Variants in UBR7 observed in about 807,000 individuals in gnomAD.
The protein encoded by UBR7 is ubiquitin protein ligase E3 component n-recognin 7, also known as putative E3 ubiquitin-protein ligase UBR7.
A neutral mutation model predicts 57.0 loss-of-function variants in UBR7; 22 were observed. The observed-to-expected ratio is 0.39, with a 90% CI of 0.28 to 0.55. The LOEUF (loss-of-function observed/expected upper bound fraction) is 0.55. Ranked by LOEUF, UBR7 falls within the 20% of genes least tolerant of loss-of-function variation. UBR7 has a pLI of 0.69. For missense variants in UBR7, 395 were observed against 513.2 expected, an observed-to-expected ratio of 0.77 and a Z score of 2.23; for synonymous variants, 167 against 179.8, an observed-to-expected ratio of 0.93 and a Z score of 0.57.
intron 3 of UBR7, among the ~76,000 whole-genome samples, chr14:93,211,379 G>A (rs1027221376): frequency 2.7e-4 from 3 of 11,166 alleles, no homozygotes; most frequent in Middle Eastern, 0.033. Context: ...AAACCCCCCC[G>A]TACTAAAAAT....
chr14:93,209,142 ATTTGT>A (rs1340673449), intron 1 of UBR7, among the ~76,000 whole-genome samples: 3 of 152,224 alleles, frequency 2.0e-5, no homozygotes, highest in East Asian at 1.9e-4. Context: ...ATTTTGTCAC[ATTTGT>A]TTTATCTCCT....
chr14:93,210,594 TA>T, intron 2 of UBR7, 53 bp from the exon 3 acceptor site: 2 of 1,484,708 alleles, frequency 1.3e-6, no homozygotes, highest in Admixed American at 3.9e-5. Context: ...GAAGAAATTT[TA>T]AATTGGATTT....
At chr14:93,218,497 A>G (rs1181379749) in intron 6 of UBR7, 30 bp from the exon 7 acceptor site, 8 of 1,580,908 alleles carry the variant, frequency 5.1e-6, no homozygotes, top group Non-Finnish European at 7.0e-6. Context: ...ATATGTGTGT[A>G]TGTGTTTTTC....
At chr14:93,225,761 T>A (rs1267225908) in intron 10 of UBR7, among the ~76,000 whole-genome samples, 1 of 152,242 alleles carries the variant, frequency 6.6e-6, no homozygotes, top group African/African-American at 2.4e-5. Context: ...CTGTGACCAT[T>A]TGAGGATATC....
rs1033548933 is a variant in UBR7, at chr14:93,222,217, A to T, written c.1124-96A>T. 5.9e-6 allele frequency: 5 copies of T among 850,938 alleles called. No individual in the cohort carries two copies. The East Asian group carries it at 1.0e-4, about 18-fold the overall frequency. The allele number at this position is 850,938 out of a possible 1,614,324, so 52.7% of individuals were successfully genotyped here. A position where few individuals can be genotyped will look rare whatever the true frequency, so the allele number is the denominator to read the frequency against. On this transcript the variant is annotated intron_variant, in intron 9 of 10. Coordinates refer to ENST00000013070, the MANE Select transcript of UBR7 (RefSeq NM_175748.4). ...TTAAGAAAATTTTTATTTAGACTACATTATTAACAGACTCAGGTGTCAATG... is the reference window on the plus strand; with the variant it reads ...TTAAGAAAATTTTTATTTAGACTACTTTATTAACAGACTCAGGTGTCAATG...
At position 93,229,210 on chromosome 14, in the gene UBR7, A is replaced by G. The variant is rs775848609; in HGVS notation, c.*2175A>G. 3.2e-6 allele frequency: 1 copy of G among 314,350 alleles called. No individual in the cohort carries two copies. The highest frequency in any genetic ancestry group is 6.2e-6 in the Non-Finnish European group (1 of 162,138). The allele number at this position is 314,350 out of a possible 1,614,324, so 19.5% of individuals were successfully genotyped here. A position where few individuals can be genotyped will look rare whatever the true frequency, so the allele number is the denominator to read the frequency against. ...TGTAAAATTTAAATAAAACCAATAC[A>G]AAATAGTTGCTTTTCAGATTGTTTT... On this transcript the variant is annotated 3_prime_UTR_variant, in exon 11 of 11. Transcript: ENST00000013070.
intron 4 of UBR7, among the ~76,000 whole-genome samples, chr14:93,213,350 C>T (rs890392142): frequency 5.3e-5 from 8 of 151,690 alleles, no homozygotes; most frequent in African/African-American, 1.9e-4. Context: ...CTCTGTCACC[C>T]AGGCTGGAAT....
Position 93,227,777 on chromosome 14 carries a change from G to GT in UBR7, c.*743dup, listed in dbSNP as rs1354479599. ...GCACTAGAATTAGAATTTCAGTACT[G>GT]TAGTGCTCACAGGGCTTCCTGGAGA... On this transcript the variant is annotated 3_prime_UTR_variant, in exon 11 of 11. Coordinates refer to ENST00000013070, the MANE Select transcript of UBR7 (RefSeq NM_175748.4). The GT allele has an allele frequency of 2.9e-6, 2 of 700,828 alleles. No individual in the cohort carries two copies. The highest frequency in any genetic ancestry group is 1.7e-5 in the African/African-American group (1 of 57,308). 43.4% of individuals were successfully genotyped at this position (700,828 alleles called of 1,614,324 possible).
chr14:93,219,578 T>C (rs972626233), intron 8 of UBR7, among the ~76,000 whole-genome samples: 16 of 152,242 alleles, frequency 1.1e-4, no homozygotes, highest in Non-Finnish European at 1.8e-4. Flanking sequence ...GGAATGTTTG[T>C]GGAAGAAATG....
chr14:93,222,567 AC>A lies in UBR7; in HGVS notation c.1185+197del, dbSNP rs562841713. ...AGACCAGCCTAGCCAATATGGTGAA[AC>A]CCCATCTCTACTAAAAATACGAAAA... On this transcript the variant is annotated intron_variant, in intron 10 of 10. Transcript: ENST00000013070. Among the ~76,000 whole-genome samples the A allele has an allele frequency of 3.3e-5, 5 of 151,974 alleles. No individual in the cohort carries two copies. The South Asian group carries it at 1.0e-3, about 32-fold the overall frequency.
At chr14:93,214,093 A>T (rs1299617772) in intron 4 of UBR7, among the ~76,000 whole-genome samples, 1 of 152,244 alleles carries the variant, frequency 6.6e-6, no homozygotes, top group African/African-American at 2.4e-5. Flanking sequence ...TGCCCGGCTA[A>T]TTTGTGTATT....
Position 93,227,851 on chromosome 14 carries a change from G to A in UBR7, c.*816G>A, listed in dbSNP as rs906907765. On this transcript the variant is annotated 3_prime_UTR_variant, in exon 11 of 11. Transcript: ENST00000013070. ...TTCTCTGCTGCCTAGAAAACAGACC[G>A]GGTCTCACCCCTGTGAAATCTTGGT... 1.1e-5 allele frequency: 8 copies of A among 700,534 alleles called. No individual in the cohort carries two copies. Among genetic ancestry groups the A allele is most frequent in the Admixed American group, 2.0e-5 (1 of 49,960 alleles). 43.4% of individuals were successfully genotyped at this position (700,534 alleles called of 1,614,324 possible).
Position 93,218,563 on chromosome 14 carries a change from G to A in UBR7, c.638G>A (p.Arg213Gln), listed in dbSNP as rs372446489. 1.1e-5 allele frequency: 17 copies of A among 1,614,018 alleles called. No homozygotes were observed. Among genetic ancestry groups the A allele is most frequent in the East Asian group, 4.5e-5 (2 of 44,876 alleles). Residue 213 changes from arginine (R) to glutamine (Q), a missense_variant, in exon 7 of 11, where the codon CGG becomes CAG. By Grantham distance (43) the Arg-to-Gln change is conservative (BLOSUM62 1). Transcript: ENST00000013070. ...KISTEDDGLV[R>Q]NIDGIGDQEV... ...TCCACTGAGGATGATGGATTGGTGC[G>A]GAACATTGATGGAATAGGTGATCAG...
At chr14:93,208,853 A>G (rs147484860) in intron 1 of UBR7, among the ~76,000 whole-genome samples, 2,339 of 152,008 alleles carry the variant, frequency 0.015, 27 homozygotes, top group Middle Eastern at 0.054. Context: ...GCTGGAGTGC[A>G]ATGTCATGAT....
At chr14:93,226,490 TA>T (rs1894850244) in intron 10 of UBR7, among the ~76,000 whole-genome samples, 1 of 152,044 alleles carries the variant, frequency 6.6e-6, no homozygotes, top group East Asian at 1.9e-4. Context: ...ACACAAAATT[TA>T]AAAATTAGCC....
intron 8 of UBR7, 134 bp from the exon 9 acceptor site, chr14:93,220,115 G>A (rs2140104688): frequency 6.0e-6 from 5 of 836,932 alleles, no homozygotes; most frequent in African/African-American, 1.7e-5. Flanking sequence ...TGTTAAAGAC[G>A]CTCCAGTTTT....
At chr14:93,213,869 T>C (rs1434382784) in intron 4 of UBR7, among the ~76,000 whole-genome samples, 1 of 152,202 alleles carries the variant, frequency 6.6e-6, no homozygotes, top group African/African-American at 2.4e-5. Flanking sequence ...CCAAATTATA[T>C]AGAGGGACAG....
intron 4 of UBR7, among the ~76,000 whole-genome samples, chr14:93,212,954 G>A (rs1037887028): frequency 3.3e-5 from 5 of 152,028 alleles, no homozygotes; most frequent in South Asian, 2.1e-4. Flanking sequence ...TATAATTGAC[G>A]GATCAAAGTG....
chr14:93,216,246 A>C (rs931845841), intron 6 of UBR7, among the ~76,000 whole-genome samples: 1 of 152,170 alleles, frequency 6.6e-6, no homozygotes, highest in Non-Finnish European at 1.5e-5. Context: ...GTGTTTCACC[A>C]TGTTGCCCAG....
Sources: gnomAD v4.1 joint callset for allele counts (sites outside exome capture counted in the v4.1 genomes callset) on GRCh38, gnomAD v4.1.1 for gene constraint, MANE v1.5 for transcripts, NCBI Gene and HGNC (gene_info 2026-07-23, HGNC 2026-07-21) for gene names.